Variants in ACOT6 observed in about 807,000 individuals in gnomAD.
ACOT6 encodes the protein acyl-CoA thioesterase 6.
ACOT6 carries 14 observed loss-of-function variants against 12.3 expected under a neutral mutation model. That is an observed-to-expected ratio of 1.14 (90% CI 0.75 to 1.78). The LOEUF (loss-of-function observed/expected upper bound fraction) is 1.78. Among genes scored for constraint, ACOT6 ranks in the 40% most tolerant of loss-of-function variants. The pLI is 0.00. For synonymous variants in ACOT6, 218 were observed against 231.3 expected (o/e 0.94, Z 0.52); for missense variants, 523 against 551.8 (o/e 0.95, Z 0.52).
chr14:73,615,983 C>T (rs1326834360), intron 1 of ACOT6, among the ~76,000 whole-genome samples: 2 of 151,908 alleles, frequency 1.3e-5, no homozygotes, highest in Non-Finnish European at 2.9e-5. Flanking sequence ...CACTTGAGCC[C>T]AAGGATTCAA....
rs1890511310 is a variant in ACOT6, at chr14:73,615,094, A to AG, written c.462-1900_462-1899insG. 4.0e-5 allele frequency among the ~76,000 whole-genome samples: 6 copies of AG among 150,306 alleles called. No homozygotes were observed. In the South Asian group the frequency reaches 1.3e-3, roughly 32 times the overall value. On this transcript the variant is annotated intron_variant, in intron 1 of 2. Transcript: ENST00000645972. The stretch of plus-strand genomic sequence containing the variant: ...ACAGAGCAAGACTCCATCTCAAAAA[A>AG]AAAAACAAGGCGGCCAGGCGCGGTG...
At chr14:73,612,393 G>C (rs1011943168), upstream of ACOT6, 2 of 431,274 alleles carry the variant, frequency 4.6e-6, no homozygotes, top group Admixed American at 4.4e-5. Flanking sequence ...TTGGGACACT[G>C]GTGTATTTGC....
Position 73,612,910 on chromosome 14 carries a change from C to T in ACOT6, c.339C>T (p.Asp113=), listed in dbSNP as rs529726887. The T allele has an allele frequency of 8.1e-6, 11 of 1,361,332 alleles. No individual in the cohort carries two copies. The African/African-American group carries it at 1.5e-4, about 19-fold the overall frequency. 84.3% of individuals were successfully genotyped at this position (1,361,332 alleles called of 1,614,324 possible). ...AGCTGGAAGTGCTGGACGGCCACGA[C>T]ACCGAGCCCGGGCGGCTGCTGTGCC... ...AVELEVLDGH[D]TEPGRLLCLA... is the part of the protein sequence containing the mutation. Residue 113 remains aspartate, a synonymous_variant, in exon 1 of 3, where the codon GAC becomes GAT. Transcript: ENST00000645972.
intron 2 of ACOT6, among the ~76,000 whole-genome samples, chr14:73,618,226 G>C (rs1047185588): frequency 1.3e-5 from 2 of 152,102 alleles, no homozygotes; most frequent in Non-Finnish European, 2.9e-5. Flanking sequence ...TTATCATCCA[G>C]GTTTAAAGAG....
chr14:73,613,193 C>G (rs1334805964), intron 1 of ACOT6, among the ~76,000 whole-genome samples, 161 bp downstream of exon 1: 4 of 152,110 alleles, frequency 2.6e-5, no homozygotes, highest in Non-Finnish European at 5.9e-5. Context: ...GCTGGAGTGC[C>G]GTGGCTGGAT....
Position 73,612,951 on chromosome 14 carries a change from G to C in ACOT6, c.380G>C (p.Arg127Pro). The C allele has an allele frequency of 7.9e-7, 1 of 1,267,870 alleles. No individual in the cohort carries two copies. Among genetic ancestry groups the C allele is most frequent in the Non-Finnish European group, 1.0e-6 (1 of 955,734 alleles). 78.5% of individuals were successfully genotyped at this position (1,267,870 alleles called of 1,614,324 possible). A position where few individuals can be genotyped will look rare whatever the true frequency, so the allele number is the denominator to read the frequency against. Residue 127 changes from arginine to proline, a missense_variant, in exon 1 of 3, where the codon CGC (arginine) becomes CCC (proline). Coordinates refer to ENST00000645972, the MANE Select transcript of ACOT6 (RefSeq NM_001365788.1). ...GRLLCLAQNK[R>P]DFLRPGVRRE... Reference sequence around the variant, plus strand: ...CTGCTGTGCCTGGCGCAGAACAAGCGCGACTTTCTCCGGCCGGGGGTGCGG... The same window carrying C: ...CTGCTGTGCCTGGCGCAGAACAAGCCCGACTTTCTCCGGCCGGGGGTGCGG...
In ACOT6 at chr14:73,613,044, A is replaced by C. The variant is rs115185879; in HGVS notation, c.461+12A>C. 1 of 752,388 alleles carries C rather than the reference A, an allele frequency of 1.3e-6. No homozygotes were observed. The highest frequency in any genetic ancestry group is 1.9e-5 in the African/African-American group (1 of 53,226). The allele number at this position is 752,388 out of a possible 1,614,324, so 46.6% of individuals were successfully genotyped here. Reference sequence around the variant, plus strand: ...CTGCCGCCGGATGAGTAGTCTGCCCAGAATTTGGTCGAGCTCTGCGACCCC... The same window carrying C: ...CTGCCGCCGGATGAGTAGTCTGCCCCGAATTTGGTCGAGCTCTGCGACCCC... On this transcript the variant is annotated intron_variant, in intron 1 of 2. Transcript: ENST00000645972.
Position 73,612,899 on chromosome 14 carries a change from G to A in ACOT6, c.328G>A (p.Asp110Asn). ...TPFAVELEVL[D>N]GHDTEPGRLL... ...CTTCGCCGTGGAGCTGGAAGTGCTG[G>A]ACGGCCACGACACCGAGCCCGGGCG... is the stretch of plus-strand genomic sequence containing the variant. The change falls in exon 1 of 3, where the codon GAC (aspartate) becomes AAC (asparagine). Residue 110 changes from aspartate to asparagine, a missense_variant. By Grantham distance (23) the Asp-to-Asn change is conservative (BLOSUM62 1). This residue lies in a region of ACOT6 where 304 missense variants were observed against 274.8 expected (regional missense o/e 1.11). Coordinates refer to ENST00000645972, the MANE Select transcript of ACOT6 (RefSeq NM_001365788.1). 1 of 1,373,046 alleles carries A rather than the reference G, an allele frequency of 7.3e-7. No homozygotes were observed. Among genetic ancestry groups the A allele is most frequent in the Admixed American group, 2.4e-5 (1 of 40,842 alleles). The allele number at this position is 1,373,046 out of a possible 1,614,324, so 85.1% of individuals were successfully genotyped here.
At chr14:73,617,580 G>T (rs1276582698) in intron 2 of ACOT6, among the ~76,000 whole-genome samples, 3 of 152,162 alleles carry the variant, frequency 2.0e-5, no homozygotes, top group Non-Finnish European at 4.4e-5. Flanking sequence ...ACTAAAAAAA[G>T]TTCCAGCTCT....
chr14:73,617,145 C>A lies in ACOT6; in HGVS notation c.613C>A (p.Leu205Met). 6.2e-7 allele frequency: 1 copy of A among 1,614,022 alleles called. No individual in the cohort carries two copies. The highest frequency in any genetic ancestry group is 8.5e-7 in the Non-Finnish European group (1 of 1,179,938). The change falls in exon 2 of 3, where the codon CTG becomes ATG. Residue 205 changes from leucine (L) to methionine (M), a missense_variant. By Grantham distance (15) the Leu-to-Met change is conservative. Around this residue, in one of 2 missense-constraint regions of ACOT6, gnomAD observed 219 missense variants for 277.0 expected, o/e 0.79. Coordinates refer to ENST00000645972, the MANE Select transcript of ACOT6 (RefSeq NM_001365788.1). Reference sequence around the variant, plus strand: ...CCCCGAAGATCTGAATGATGTACATCTGGAGTACTTTGAAGAAGCCGTGGA... The same window carrying A: ...CCCCGAAGATCTGAATGATGTACATATGGAGTACTTTGAAGAAGCCGTGGA... ...DLPEDLNDVH[L>M]EYFEEAVDFM...
At position 73,618,579 on chromosome 14, in the gene ACOT6, C is replaced by T. The variant is rs954983416; in HGVS notation, c.661-655C>T. 4.0e-4 allele frequency among the ~76,000 whole-genome samples: 59 copies of T among 146,162 alleles called. 3 individuals carry two copies. Among genetic ancestry groups the T allele is most frequent in the African/African-American group, 1.6e-3 (58 of 35,946 alleles). ...GGATTCCAAGATTTTAAATTTGAGC[C>T]TGAACTTATGAATTGTTATGGTGGT... is the stretch of plus-strand genomic sequence containing the variant. On this transcript the variant is annotated intron_variant, in intron 2 of 2. Coordinates refer to ENST00000645972, the MANE Select transcript of ACOT6 (RefSeq NM_001365788.1).
rs753829565 is a variant in ACOT6 at position 73,617,209 on chromosome 14, A to G, written c.660+17A>G. 1 of 1,614,170 alleles carries G rather than the reference A, an allele frequency of 6.2e-7. No individual in the cohort carries two copies. Among genetic ancestry groups the G allele is most frequent in the Admixed American group, 1.7e-5 (1 of 60,012 alleles). On this transcript the variant is annotated intron_variant, in intron 2 of 2. Transcript: ENST00000645972. ...CATCCAAAGGTGCGTTCTGGTGATC[A>G]CCTGAGTGCAGAAGAGAGGGGATAG... is the stretch of plus-strand genomic sequence containing the variant.
chr14:73,619,292 CA>C lies in ACOT6; in HGVS notation c.721del (p.Met241TrpfsTer5), dbSNP rs772286233. On this transcript the variant is annotated frameshift_variant, in exon 3 of 3. Coordinates refer to ENST00000645972, the MANE Select transcript of ACOT6 (RefSeq NM_001365788.1). LOFTEE classifies it low-confidence loss of function (END_TRUNC). ...GFSKGGDLCL[S>X]MASFLKGITA... is the part of the protein sequence containing the mutation. ...TCCAAAGGAGGTGACCTGTGTCTCT[CA>C]ATGGCTTCTTTCTTGAAGGGCATCA... 1 of 1,612,046 alleles carries C rather than the reference CA, an allele frequency of 6.2e-7. No homozygotes were observed. The highest frequency in any genetic ancestry group is 1.3e-5 in the African/African-American group (1 of 74,908).
intron 2 of ACOT6, among the ~76,000 whole-genome samples, chr14:73,617,608 G>A (rs1453701875): frequency 6.6e-6 from 1 of 152,084 alleles, no homozygotes; most frequent in African/African-American, 2.4e-5. Flanking sequence ...CCACAGAGTG[G>A]CCTTATGATT....
intron 2 of ACOT6, 105 bp from the exon 3 acceptor site, chr14:73,619,129 C>T (rs1732847146): frequency 2.8e-6 from 4 of 1,427,398 alleles, no homozygotes; most frequent in Non-Finnish European, 3.7e-6. Context: ...GACTCCATCT[C>T]AAAAAAGAAA....
intron 2 of ACOT6, among the ~76,000 whole-genome samples, chr14:73,618,519 C>G (rs561293918): frequency 4.7e-5 from 7 of 149,250 alleles, no homozygotes; most frequent in Admixed American, 1.3e-4. Context: ...GGGCTGACCT[C>G]TCCCCTATGT....
chr14:73,617,242 G>A (rs772106494), intron 2 of ACOT6, 50 bp downstream of exon 2: 6 of 1,612,694 alleles, frequency 3.7e-6, no homozygotes, highest in Non-Finnish European at 5.1e-6. Flanking sequence ...TAGAGCTGAT[G>A]CAGGGCTGAA....
At chr14:73,612,381 A>G, upstream of ACOT6, 1 of 421,758 alleles carries the variant, frequency 2.4e-6, no homozygotes, top group East Asian at 3.6e-5. Context: ...ATACTCTTTC[A>G]TTTGGGACAC....
chr14:73,614,770 A>G (rs934442201), intron 1 of ACOT6, among the ~76,000 whole-genome samples: 1 of 144,030 alleles, frequency 6.9e-6, no homozygotes, highest in African/African-American at 2.6e-5. Flanking sequence ...AAAAAATCAC[A>G]CTGACTAAGA....
Sources: allele counts gnomAD v4.1 joint callset (sites outside exome capture counted in the v4.1 genomes callset), GRCh38; gene constraint gnomAD v4.1.1; regional missense constraint gnomAD v4.1.1; transcripts MANE v1.5; gene names NCBI Gene and HGNC (gene_info 2026-07-23, HGNC 2026-07-21).